SAMM50: variants seen among roughly 807,000 people sequenced by gnomAD.
The protein encoded by SAMM50 is SAMM50 sorting and assembly machinery component.
SAMM50 carries 47 observed loss-of-function variants against 66.9 expected under a neutral mutation model. The ratio of observed to expected loss-of-function variants is 0.70; its 90% CI spans 0.56 to 0.90. The LOEUF (loss-of-function observed/expected upper bound fraction) is 0.90. Among genes scored for constraint, SAMM50 ranks in the 40% least tolerant of loss-of-function variants. The pLI, the probability that SAMM50 is intolerant of heterozygous loss-of-function variation, is 0.00. For synonymous variants in SAMM50, 191 were observed against 214.1 expected (o/e 0.89, Z 0.94); for missense variants, 535 against 595.3 (o/e 0.90, Z 1.05).
chr22:43,958,106 A>G (rs758790263), intron 1 of SAMM50, among the ~76,000 whole-genome samples: 11 of 152,120 alleles, frequency 7.2e-5, no homozygotes, highest in Admixed American at 3.9e-4. Flanking sequence ...GGACCGCACT[A>G]TTGCACTTCA....
intron 1 of SAMM50, among the ~76,000 whole-genome samples, chr22:43,958,476 C>CT (rs3083316): frequency 0.01 from 1,152 of 112,540 alleles, 45 homozygotes; most frequent in African/African-American, 0.03. Context: ...TTATGGAGCT[C>CT]TTTTTTTTTT....
intron 4 of SAMM50, among the ~76,000 whole-genome samples, chr22:43,971,815 ATCT>A (rs2050205242): frequency 6.6e-6 from 1 of 151,910 alleles, no homozygotes; most frequent in East Asian, 1.9e-4. Context: ...GGCTCAAGTG[ATCT>A]TCTCACCTCA....
At chr22:43,991,146 T>C (rs1178699252) in intron 14 of SAMM50, among the ~76,000 whole-genome samples, 1 of 151,962 alleles carries the variant, frequency 6.6e-6, no homozygotes, top group Non-Finnish European at 1.5e-5. Context: ...CCGGCTAATT[T>C]TTTGTATATT....
intron 1 of SAMM50, chr22:43,957,003 G>A (rs2050122968): frequency 1.4e-6 from 1 of 721,412 alleles, no homozygotes; most frequent in South Asian, 1.6e-5. Flanking sequence ...CGGCCTGCCG[G>A]GAGCAGGACT....
intron 1 of SAMM50, among the ~76,000 whole-genome samples, chr22:43,958,540 G>A (rs1016712555): frequency 4.8e-5 from 7 of 146,664 alleles, no homozygotes; most frequent in African/African-American, 7.7e-5. Flanking sequence ...GTGCAGTGGC[G>A]CCATCTCGGC....
At chr22:43,976,487 G>A (rs992305571) in intron 8 of SAMM50, among the ~76,000 whole-genome samples, 22 of 152,250 alleles carry the variant, frequency 1.4e-4, no homozygotes, top group South Asian at 2.1e-4. Context: ...TTGAGAGAAC[G>A]AACCCGGTGG....
At chr22:43,990,054 C>T (rs2050314825) in intron 13 of SAMM50, among the ~76,000 whole-genome samples, 1 of 152,204 alleles carries the variant, frequency 6.6e-6, no homozygotes, top group Non-Finnish European at 1.5e-5. Flanking sequence ...ATTGAGAAGG[C>T]GTGGCTCATT....
intron 9 of SAMM50, among the ~76,000 whole-genome samples, chr22:43,977,082 G>C (rs1177829588): frequency 2.0e-5 from 3 of 152,228 alleles, no homozygotes; most frequent in Non-Finnish European, 2.9e-5. Flanking sequence ...ATGAGGGCCT[G>C]TAATAGGCCA....
chr22:43,973,263 T>C lies in SAMM50; in HGVS notation c.588T>C (p.Thr196=), dbSNP rs141154080. 1,050 of 1,606,350 alleles carry C rather than the reference T, an allele frequency of 6.5e-4. No homozygotes were observed. The highest frequency in any genetic ancestry group is 8.4e-4 in the Non-Finnish European group (991 of 1,172,920). ...RNFSVNLYKV[T]GQFPWSSLRE... ...TCTCTGTAAACTTATATAAAGTTAC[T>C]GGACAGTTCCCTTGGAGCTCACTGC... Residue 196 remains threonine (T), a synonymous_variant, in exon 7 of 15, where the codon ACT becomes ACC. Transcript: ENST00000350028.
chr22:43,992,478 C>T (rs564001599), intron 14 of SAMM50, among the ~76,000 whole-genome samples: 46 of 152,368 alleles, frequency 3.0e-4, no homozygotes, highest in African/African-American at 1.0e-3. Context: ...TTCCCCTCCA[C>T]GCCTCTCCTG....
At chr22:43,973,879 C>G (rs964788699) in intron 7 of SAMM50, among the ~76,000 whole-genome samples, 1 of 152,160 alleles carries the variant, frequency 6.6e-6, no homozygotes, top group African/African-American at 2.4e-5. Flanking sequence ...TCCCAAAGTG[C>G]TGGGATTACA....
At chr22:43,984,560 C>T (rs1046879281) in intron 12 of SAMM50, among the ~76,000 whole-genome samples, 12 of 151,972 alleles carry the variant, frequency 7.9e-5, no homozygotes, top group African/African-American at 2.9e-4. Flanking sequence ...ATCCGCCTGC[C>T]TCAGCCTCCC....
At chr22:43,981,658 GTTACT>G (rs1184463226) in intron 11 of SAMM50, among the ~76,000 whole-genome samples, 197 bp downstream of exon 11, 1 of 152,192 alleles carries the variant, frequency 6.6e-6, no homozygotes, top group Non-Finnish European at 1.5e-5. Context: ...TGTTGGGGAA[GTTACT>G]TTATTATATT....
intron 4 of SAMM50, among the ~76,000 whole-genome samples, chr22:43,969,739 T>C (rs1254187514): frequency 2.0e-5 from 3 of 152,124 alleles, no homozygotes; most frequent in Non-Finnish European, 4.4e-5. Context: ...ATAGCACTTA[T>C]CAGGCCCACG....
chr22:43,988,563 G>T (rs1012930400), intron 12 of SAMM50: 1 of 152,304 alleles, frequency 6.6e-6, no homozygotes, highest in African/African-American at 2.4e-5. Context: ...AATCCAAGCG[G>T]TCATGAACCG....
At chr22:43,971,836 G>C (rs1485354475) in intron 4 of SAMM50, among the ~76,000 whole-genome samples, 2 of 151,914 alleles carry the variant, frequency 1.3e-5, no homozygotes, top group South Asian at 2.1e-4. Flanking sequence ...TCAGCCTCCC[G>C]AATAGTTGAG....
At chr22:43,982,034 C>A (rs1012888308) in intron 11 of SAMM50, among the ~76,000 whole-genome samples, 19 of 152,162 alleles carry the variant, frequency 1.2e-4, no homozygotes, top group Non-Finnish European at 2.6e-4. Flanking sequence ...GCAATTTATA[C>A]CCCTACCAGC....
chr22:43,973,361 G>A (rs1238338892), intron 7 of SAMM50, 38 bp downstream of exon 7: 2 of 1,286,506 alleles, frequency 1.6e-6, no homozygotes, highest in Admixed American at 3.4e-5. Flanking sequence ...GGGCTTGGGG[G>A]AAAACAGGGT....
Position 43,972,877 on chromosome 22 carries a change from G to A in SAMM50, c.436G>A (p.Gly146Ser), listed in dbSNP as rs1240334920. The A allele has an allele frequency of 6.3e-7, 1 of 1,582,818 alleles. No individual in the cohort carries two copies. Among genetic ancestry groups the A allele is most frequent in the South Asian group, 1.2e-5 (1 of 84,508 alleles). Residue 146 changes from glycine (G) to serine (S), a missense_variant, in exon 6 of 15, where the codon GGC becomes AGC. By Grantham distance (56) the Gly-to-Ser change is moderately conservative. Coordinates refer to ENST00000350028, the MANE Select transcript of SAMM50 (RefSeq NM_015380.5). ...TTTTTTTTTCCCCTCCTAGGTACTT[G>A]GCCTCAAGCTTCCTAATCTTCTTGG... Reference protein sequence around the residue: ...VGNNEGSMVLGLKLPNLLGRA... With the variant: ...VGNNEGSMVLSLKLPNLLGRA...
Sources: gnomAD v4.1 joint callset for allele counts (sites outside exome capture counted in the v4.1 genomes callset) on GRCh38, gnomAD v4.1.1 for gene constraint, MANE v1.5 for transcripts, NCBI Gene and HGNC (gene_info 2026-07-23, HGNC 2026-07-21) for gene names.